TTC29: variants seen among roughly 807,000 people sequenced by gnomAD.
TTC29 encodes the protein tetratricopeptide repeat domain 29, also known as tetratricopeptide repeat protein 29.
A neutral mutation model predicts 58.1 loss-of-function variants in TTC29; 49 were observed. The ratio of observed to expected loss-of-function variants is 0.84; its 90% CI spans 0.67 to 1.07. The LOEUF is 1.07. TTC29 is among the 50% of genes least tolerant of loss of function. The pLI is 0.00. For missense variants in TTC29, 582 were observed against 555.6 expected (o/e 1.05, Z -0.48); for synonymous variants, 209 against 196.8 (o/e 1.06, Z -0.52).
At chr4:146,942,647 C>A (rs1017351264) in intron 2 of TTC29, 21 of 1,529,936 alleles carry the variant, frequency 1.4e-5, no homozygotes, top group Non-Finnish European at 1.8e-5. Flanking sequence ...CAGTGAACAT[C>A]GGAATCATCT....
At chr4:146,735,008 G>A (rs1020351933) in intron 11 of TTC29, among the ~76,000 whole-genome samples, 1 of 152,184 alleles carries the variant, frequency 6.6e-6, no homozygotes, top group East Asian at 1.9e-4. Flanking sequence ...TGGTTCACTG[G>A]ATGCATAAGG....
At chr4:146,817,949 C>T (rs1751529469) in intron 10 of TTC29, among the ~76,000 whole-genome samples, 2 of 152,158 alleles carry the variant, frequency 1.3e-5, no homozygotes, top group South Asian at 2.1e-4. Context: ...GGATTAAAGA[C>T]TTAAACGTTA....
At chr4:146,841,262 C>T (rs1305610320) in intron 8 of TTC29, among the ~76,000 whole-genome samples, 1 of 152,034 alleles carries the variant, frequency 6.6e-6, no homozygotes, top group African/African-American at 2.4e-5. Context: ...TCCAAGTTTT[C>T]AAGATTTTAT....
At chr4:146,937,484 G>T (rs1735934450) in intron 4 of TTC29, 110 bp downstream of exon 4, 17 of 699,608 alleles carry the variant, frequency 2.4e-5, no homozygotes, top group Non-Finnish European at 4.0e-5. Flanking sequence ...ATTTTTAAAT[G>T]CCATGTTCCA....
chr4:146,749,908 A>AAAACTGCC (rs1745849778), intron 11 of TTC29, among the ~76,000 whole-genome samples: 1 of 152,232 alleles, frequency 6.6e-6, no homozygotes. Context: ...CTGAAAGAAA[A>AAAACTGCC]AAACTGCCAG....
intron 6 of TTC29, among the ~76,000 whole-genome samples, chr4:146,884,533 G>A (rs966253919): frequency 6.6e-6 from 1 of 152,098 alleles, no homozygotes; most frequent in Non-Finnish European, 1.5e-5. Flanking sequence ...AGCCTGAATG[G>A]AATAATGTGT....
chr4:146,848,336 AAAT>A (rs1457408729), intron 8 of TTC29, among the ~76,000 whole-genome samples: 1 of 152,258 alleles, frequency 6.6e-6, no homozygotes, highest in Admixed American at 6.5e-5. Context: ...CAATGCTAAG[AAAT>A]AATGTTTTTA....
At chr4:146,780,299 T>TGG (rs1420014910) in intron 11 of TTC29, among the ~76,000 whole-genome samples, 53 of 93,984 alleles carry the variant, frequency 5.6e-4, no homozygotes, top group African/African-American at 1.6e-3. Flanking sequence ...CTTCCTAACT[T>TGG]GGGGTGTGTG....
At chr4:146,744,579 G>C (rs1579575968) in intron 11 of TTC29, among the ~76,000 whole-genome samples, 1 of 152,040 alleles carries the variant, frequency 6.6e-6, no homozygotes, top group Admixed American at 6.6e-5. Flanking sequence ...TTCTATGAAG[G>C]GGGTAGCACC....
In TTC29 at chr4:146,857,734, T is replaced by C. The variant is rs147538814; in HGVS notation, c.885+9764A>G. On this transcript the variant is annotated intron_variant, in intron 8 of 12. Coordinates refer to ENST00000325106, the MANE Select transcript of TTC29 (RefSeq NM_031956.4). ...TAAATTTTAGGTAAGGATTTCTAAC[T>C]GGTGAGTAAAGACAACTTCTGTTTA... 7.7e-3 allele frequency among the ~76,000 whole-genome samples: 1,172 copies of C among 152,284 alleles called. 5 individuals are homozygous for C. Among genetic ancestry groups the C allele is most frequent in the Middle Eastern group, 0.041 (12 of 294 alleles).
At chr4:146,740,043 G>T (rs1367800117) in intron 11 of TTC29, among the ~76,000 whole-genome samples, 3 of 152,152 alleles carry the variant, frequency 2.0e-5, no homozygotes, top group African/African-American at 7.2e-5. Flanking sequence ...AGGAGATGGT[G>T]GAGGCACTGG....
chr4:146,847,321 G>T (rs1324727149), intron 8 of TTC29, among the ~76,000 whole-genome samples: 1 of 152,178 alleles, frequency 6.6e-6, no homozygotes, highest in Non-Finnish European at 1.5e-5. Flanking sequence ...TCCCAGTAGA[G>T]TTTTGGCCTG....
chr4:146,735,395 C>T (rs35420973), intron 11 of TTC29, among the ~76,000 whole-genome samples: 36,970 of 151,996 alleles, frequency 0.24, 5,210 homozygotes, highest in East Asian at 0.37. Flanking sequence ...AACTTAGGGA[C>T]AGTATCTTTG....
intron 7 of TTC29, among the ~76,000 whole-genome samples, chr4:146,869,988 T>A (rs1730825799): frequency 6.6e-6 from 1 of 151,782 alleles, no homozygotes; most frequent in African/African-American, 2.4e-5. Context: ...GACAGAGACA[T>A]AAAGAGAGAG....
chr4:146,747,489 T>C (rs1745635179), intron 11 of TTC29, among the ~76,000 whole-genome samples: 1 of 152,148 alleles, frequency 6.6e-6, no homozygotes, highest in African/African-American at 2.4e-5. Context: ...TGGTGCACCC[T>C]CCACATAGGG....
chr4:146,759,358 AAAG>A (rs1746698942), intron 11 of TTC29, among the ~76,000 whole-genome samples: 1 of 151,810 alleles, frequency 6.6e-6, no homozygotes, highest in Non-Finnish European at 1.5e-5. Flanking sequence ...AGAAACATTC[AAAG>A]AAGAATTGGT....
chr4:146,903,541 C>T lies in TTC29; in HGVS notation c.586+3G>A, dbSNP rs968621922. On this transcript the variant is annotated splice_donor_region_variant and intron_variant, in intron 6 of 12. Transcript: ENST00000325106. Reference sequence around the variant, plus strand: ...CAAGGCATCCTGGCAAATGCCCACTCACCATCTTCCTCGTAGAGAAGACCC... The same window carrying T: ...CAAGGCATCCTGGCAAATGCCCACTTACCATCTTCCTCGTAGAGAAGACCC... 2 of 1,595,484 alleles carry T rather than the reference C, an allele frequency of 1.3e-6. No individual in the cohort carries two copies. Among genetic ancestry groups the T allele is most frequent in the Non-Finnish European group, 1.7e-6 (2 of 1,170,540 alleles).
At chr4:146,762,448 A>G (rs894600738) in intron 11 of TTC29, among the ~76,000 whole-genome samples, 1 of 151,498 alleles carries the variant, frequency 6.6e-6, no homozygotes, top group African/African-American at 2.4e-5. Flanking sequence ...CTGCTGTTAC[A>G]GTCAACAAAG....
At chr4:146,861,801 T>C (rs1730251201) in intron 8 of TTC29, among the ~76,000 whole-genome samples, 1 of 151,776 alleles carries the variant, frequency 6.6e-6, no homozygotes, top group Non-Finnish European at 1.5e-5. Context: ...AAAGTAAAAA[T>C]ATTTAGATAG....
Sources: gnomAD v4.1 joint callset for allele counts (sites outside exome capture counted in the v4.1 genomes callset) on GRCh38, gnomAD v4.1.1 for gene constraint, MANE v1.5 for transcripts, NCBI Gene and HGNC (gene_info 2026-07-23, HGNC 2026-07-21) for gene names.